TMEM163: variants seen among roughly 807,000 people sequenced by gnomAD.
The protein encoded by TMEM163 is transmembrane protein 163.
In TMEM163, 17 loss-of-function variants were observed where a neutral mutation model predicts 29.3. That is an observed-to-expected ratio of 0.58 (90% CI 0.40 to 0.87). The LOEUF (loss-of-function observed/expected upper bound fraction) is 0.87. Ranked by LOEUF, TMEM163 falls within the 40% of genes least tolerant of loss-of-function variation. TMEM163 has a pLI of 0.00. For missense variants in TMEM163, 303 were observed against 381.5 expected (o/e 0.79, Z 1.71); for synonymous variants, 157 against 160.6 (o/e 0.98, Z 0.17).
chr2:134,697,684 C>T (rs748872942), intron 2 of TMEM163, among the ~76,000 whole-genome samples: 2 of 152,076 alleles, frequency 1.3e-5, no homozygotes, highest in Middle Eastern at 3.4e-3. Context: ...AGGCTGGTCT[C>T]GAACTCCTGA....
At chr2:134,650,068 T>A (rs968665078) in intron 2 of TMEM163, among the ~76,000 whole-genome samples, 3 of 148,134 alleles carry the variant, frequency 2.0e-5, no homozygotes, top group East Asian at 1.9e-4. Context: ...AAAATGTCCA[T>A]GATATACAAT....
chr2:134,542,394 A>G lies in TMEM163; in HGVS notation c.458+8176T>C, dbSNP rs16830770. On this transcript the variant is annotated intron_variant, in intron 4 of 7. Transcript: ENST00000281924. ...GGAGCTCTGATGGAGGACTCTTCTC[A>G]GGACCACATTAGCTTCGTACGGCTG... is the stretch of plus-strand genomic sequence containing the variant. Among the ~76,000 whole-genome samples the G allele has an allele frequency of 2.9e-3, 443 of 152,324 alleles. 23 individuals carry two copies. In the East Asian group the frequency reaches 0.081, roughly 28 times the overall value.
intron 4 of TMEM163, among the ~76,000 whole-genome samples, chr2:134,510,384 A>G (rs537715437): frequency 1.3e-5 from 2 of 152,292 alleles, no homozygotes; most frequent in East Asian, 3.9e-4. Flanking sequence ...CAGCATTTTA[A>G]GCAAAGGAGA....
chr2:134,564,803 A>G (rs538411902), intron 2 of TMEM163, among the ~76,000 whole-genome samples: 1 of 152,366 alleles, frequency 6.6e-6, no homozygotes, highest in Non-Finnish European at 1.5e-5. Flanking sequence ...AGATGCCACT[A>G]CATACTCAAA....
intron 2 of TMEM163, among the ~76,000 whole-genome samples, chr2:134,593,209 G>A (rs1681977954): frequency 6.6e-6 from 1 of 152,176 alleles, no homozygotes; most frequent in South Asian, 2.1e-4. Flanking sequence ...GCAGGATTTA[G>A]ACAGGGAGGG....
intron 2 of TMEM163, among the ~76,000 whole-genome samples, chr2:134,561,278 A>G (rs1681175194): frequency 6.6e-6 from 1 of 152,190 alleles, no homozygotes; most frequent in South Asian, 2.1e-4. Context: ...ATCTTGGCTC[A>G]CTGCAAGCTC....
At chr2:134,702,680 A>C (rs1160968080) in intron 2 of TMEM163, among the ~76,000 whole-genome samples, 3 of 151,944 alleles carry the variant, frequency 2.0e-5, no homozygotes, top group South Asian at 2.1e-4. Flanking sequence ...AAAAATAAAA[A>C]AAATTTTCAA....
At chr2:134,704,759 T>G (rs1684772044) in intron 2 of TMEM163, among the ~76,000 whole-genome samples, 4 of 152,234 alleles carry the variant, frequency 2.6e-5, no homozygotes, top group Admixed American at 2.6e-4. Flanking sequence ...CTGACACAGA[T>G]GAGCTCTTCA....
Position 134,457,883 on chromosome 2 carries a change from T to C in TMEM163, c.809+149A>G, listed in dbSNP as rs1204945051. On this transcript the variant is annotated intron_variant, in intron 7 of 7. Transcript: ENST00000281924. Reference sequence around the variant, plus strand: ...GATATCTGACCCCTGCTGGGTGCTTTTCCAGTCACCTGACACTGGTCAGGC... The same window carrying C: ...GATATCTGACCCCTGCTGGGTGCTTCTCCAGTCACCTGACACTGGTCAGGC... The C allele has an allele frequency of 2.2e-5, 29 of 1,320,006 alleles. No individual in the cohort carries two copies. The East Asian group carries it at 6.8e-4, about 31-fold the overall frequency. 81.8% of individuals were successfully genotyped at this position (1,320,006 alleles called of 1,614,324 possible). A position where few individuals can be genotyped will look rare whatever the true frequency, so the allele number is the denominator to read the frequency against.
intron 5 of TMEM163, among the ~76,000 whole-genome samples, chr2:134,489,051 G>T (rs1221819590): frequency 1.3e-5 from 2 of 152,048 alleles, no homozygotes; most frequent in East Asian, 3.9e-4. Context: ...TGAAACATGG[G>T]CATAGTCTAC....
intron 5 of TMEM163, chr2:134,467,454 T>C (rs1469593374): frequency 6.6e-6 from 1 of 152,234 alleles, no homozygotes; most frequent in African/African-American, 2.4e-5. Flanking sequence ...TGGCCCCTGA[T>C]ACGATGTGAC....
chr2:134,675,276 C>T (rs1197289089), intron 2 of TMEM163, among the ~76,000 whole-genome samples: 3 of 152,182 alleles, frequency 2.0e-5, no homozygotes, highest in Non-Finnish European at 4.4e-5. Flanking sequence ...ATAAAACACT[C>T]AGATCATGCA....
At chr2:134,565,438 T>C (rs1344585915) in intron 2 of TMEM163, among the ~76,000 whole-genome samples, 1 of 151,928 alleles carries the variant, frequency 6.6e-6, no homozygotes, top group East Asian at 1.9e-4. Context: ...AAACCTCGTC[T>C]CTACTGAAAA....
At chr2:134,589,827 C>T (rs762706819) in intron 2 of TMEM163, among the ~76,000 whole-genome samples, 1 of 152,172 alleles carries the variant, frequency 6.6e-6, no homozygotes, top group African/African-American at 2.4e-5. Context: ...GATCCAAGAA[C>T]CCTCTCTTGG....
intron 2 of TMEM163, among the ~76,000 whole-genome samples, chr2:134,700,311 TTCC>T (rs1684669410): frequency 6.6e-6 from 1 of 152,214 alleles, no homozygotes; most frequent in African/African-American, 2.4e-5. Context: ...TATTTTCTAT[TTCC>T]TCTCTTTTCT....
intron 4 of TMEM163, among the ~76,000 whole-genome samples, chr2:134,531,356 C>T (rs1000195657): frequency 3.3e-5 from 5 of 152,222 alleles, no homozygotes; most frequent in African/African-American, 1.2e-4. Context: ...ACTAAGCAAG[C>T]AATTCTGCAG....
chr2:134,520,761 T>A (rs1224367906), intron 4 of TMEM163, among the ~76,000 whole-genome samples: 1 of 152,132 alleles, frequency 6.6e-6, no homozygotes, highest in Non-Finnish European at 1.5e-5. Context: ...ATCTTTAGAA[T>A]GAGATTGTAG....
chr2:134,581,836 G>A (rs796966612), intron 2 of TMEM163, among the ~76,000 whole-genome samples: 25 of 152,242 alleles, frequency 1.6e-4, no homozygotes, highest in African/African-American at 5.8e-4. Flanking sequence ...AACCAAAAAG[G>A]CAACTACCCT....
intron 2 of TMEM163, among the ~76,000 whole-genome samples, chr2:134,685,598 G>T (rs1684334558): frequency 6.6e-6 from 1 of 152,168 alleles, no homozygotes; most frequent in African/African-American, 2.4e-5. Flanking sequence ...TAAGGTCCAA[G>T]GTTAGCCTAA....
Sources: allele counts gnomAD v4.1 joint callset (sites outside exome capture counted in the v4.1 genomes callset), GRCh38; gene constraint gnomAD v4.1.1; transcripts MANE v1.5; gene names NCBI Gene and HGNC (gene_info 2026-07-23, HGNC 2026-07-21).